MAGI2: variants seen among roughly 807,000 people sequenced by gnomAD.
MAGI2 encodes membrane-associated guanylate kinase, WW and PDZ domain-containing protein 2.
MAGI2 carries 35 observed loss-of-function variants against 133.3 expected under a neutral mutation model. The ratio of observed to expected loss-of-function variants is 0.26; its 90% confidence interval spans 0.20 to 0.35. The LOEUF (loss-of-function observed/expected upper bound fraction) is 0.35, where lower values mean the gene tolerates loss of function less well. Among genes scored for constraint, MAGI2 ranks in the 10% least tolerant of loss-of-function variants. The probability of loss-of-function intolerance (pLI) is 1.00; values close to 1 mark genes in which losing one functional copy is unlikely to be tolerated. For missense variants in MAGI2, 1,636 were observed against 1,863.4 expected (o/e 0.88, Z 2.25); for synonymous variants, 729 against 710.6 (o/e 1.03, Z -0.41).
chr7:79,344,399 T>C (rs1163426377), intron 1 of MAGI2, among the ~76,000 whole-genome samples: 1 of 152,060 alleles, frequency 6.6e-6, no homozygotes, highest in Non-Finnish European at 1.5e-5. Context: ...AAATAACTCA[T>C]AAGATTGCTA....
At chr7:79,213,216 A>ATTTTTCTG (rs769622484) in intron 1 of MAGI2, among the ~76,000 whole-genome samples, 1 of 34,298 alleles carries the variant, frequency 2.9e-5, no homozygotes, top group African/African-American at 3.7e-5. Context: ...ATTTTTCTGT[A>ATTTTTCTG]TATATATATG....
In MAGI2 at chr7:79,136,104, AGAAAGAAAG is replaced by A. The variant is rs577094872; in HGVS notation, c.302-128907_302-128899del. Among the ~76,000 whole-genome samples, 57 of 148,762 alleles carry A rather than the reference AGAAAGAAAG, an allele frequency of 3.8e-4. No homozygotes were observed. In the South Asian group the frequency reaches 0.011, roughly 29 times the overall value. On this transcript the variant is annotated intron_variant, in intron 1 of 21. Coordinates refer to ENST00000354212, the MANE Select transcript of MAGI2 (RefSeq NM_012301.4). ...AAGAAAGAAAGAAAGAAAGAAAGAA[AGAAAGAAAG>A]AAAGAAAGAAAGAAAGACACAAAAG...
Position 78,125,053 on chromosome 7 carries a change from A to C in MAGI2, c.3567+641T>G, listed in dbSNP as rs1011315210. 4.6e-5 allele frequency among the ~76,000 whole-genome samples: 7 copies of C among 151,912 alleles called. No individual in the cohort carries two copies. In the South Asian group the frequency reaches 1.5e-3, roughly 32 times the overall value. ...TAATTTTTTTGTATTTTTAGTAGAG[A>C]TGGGGTTTCACAGTGTTAGCCAGGT... On this transcript the variant is annotated intron_variant, in intron 20 of 21. Coordinates refer to ENST00000354212, the MANE Select transcript of MAGI2 (RefSeq NM_012301.4).
chr7:78,669,177 G>A (rs1035428095), intron 2 of MAGI2, among the ~76,000 whole-genome samples: 4 of 151,952 alleles, frequency 2.6e-5, no homozygotes, highest in African/African-American at 9.7e-5. Flanking sequence ...CCGATAGCAA[G>A]ACTAATAAAG....
chr7:78,137,146 A>G (rs1490676158), intron 16 of MAGI2, among the ~76,000 whole-genome samples: 2 of 151,868 alleles, frequency 1.3e-5, no homozygotes, highest in African/African-American at 4.8e-5. Flanking sequence ...GGTTGCAATT[A>G]TAATTAGGGT....
In MAGI2 at chr7:78,529,668, G is replaced by GTTTTTTTTTTTTTTTTTTTTTTTTTT. The variant is rs554010061; in HGVS notation, c.539-8049_539-8024dup. Among the ~76,000 whole-genome samples, 43 of 57,424 alleles carry GTTTTTTTTTTTTTTTTTTTTTTTTTT rather than the reference G, an allele frequency of 7.5e-4. 8 individuals carry two copies. Among genetic ancestry groups the GTTTTTTTTTTTTTTTTTTTTTTTTTT allele is most frequent in the Non-Finnish European group, 7.7e-4 (22 of 28,728 alleles). The allele number at this position is 57,424 out of a possible 152,430, so 37.7% of individuals were successfully genotyped here. ...TTTCTTTTCCTTGCTAAAGGAGATGGTTTTTTTTTTTTTTTTTTTTTTTTT... is the reference window on the plus strand; with the variant it reads ...TTTCTTTTCCTTGCTAAAGGAGATGGTTTTTTTTTTTTTTTTTTTTTTTTTTTTTTTTTTTTTTTTTTTTTTTTTTT... On this transcript the variant is annotated intron_variant, in intron 3 of 21. Coordinates refer to ENST00000354212, the MANE Select transcript of MAGI2 (RefSeq NM_012301.4).
At chr7:78,392,354 T>G (rs1795971916) in intron 6 of MAGI2, among the ~76,000 whole-genome samples, 1 of 152,058 alleles carries the variant, frequency 6.6e-6, no homozygotes, top group Non-Finnish European at 1.5e-5. Flanking sequence ...TGAGTTCAGG[T>G]AAAAGATGGG....
intron 5 of MAGI2, among the ~76,000 whole-genome samples, chr7:78,499,209 A>T (rs1584406861): frequency 6.6e-6 from 1 of 152,082 alleles, no homozygotes; most frequent in Non-Finnish European, 1.5e-5. Flanking sequence ...TTCCTAATAC[A>T]CCTAAGGACT....
chr7:79,305,891 G>A (rs918371178), intron 1 of MAGI2, among the ~76,000 whole-genome samples: 1 of 152,044 alleles, frequency 6.6e-6, no homozygotes, highest in African/African-American at 2.4e-5. Flanking sequence ...ACTCCAACCC[G>A]GGTGTAAGTA....
intron 13 of MAGI2, among the ~76,000 whole-genome samples, chr7:78,179,380 T>C (rs1277892463): frequency 2.0e-5 from 3 of 152,178 alleles, no homozygotes; most frequent in African/African-American, 7.2e-5. Flanking sequence ...AGGCAAATAT[T>C]TTCCAGGCTC....
At chr7:78,206,878 T>G (rs1197882440) in intron 10 of MAGI2, among the ~76,000 whole-genome samples, 1 of 152,208 alleles carries the variant, frequency 6.6e-6, no homozygotes, top group Non-Finnish European at 1.5e-5. Flanking sequence ...AGGAACGACT[T>G]TTAAACAAAG....
intron 7 of MAGI2, among the ~76,000 whole-genome samples, chr7:78,356,363 A>T (rs571186341): frequency 1.3e-4 from 20 of 152,188 alleles, no homozygotes; most frequent in Non-Finnish European, 2.6e-4. Context: ...TTGTTAAAGG[A>T]TATAGACTTA....
chr7:78,971,145 C>T (rs1346781400), intron 2 of MAGI2, among the ~76,000 whole-genome samples: 1 of 151,992 alleles, frequency 6.6e-6, no homozygotes, highest in Non-Finnish European at 1.5e-5. Context: ...CCCCAGAAGA[C>T]CCTCTTTTAT....
At chr7:78,260,389 C>A (rs369620794) in intron 9 of MAGI2, among the ~76,000 whole-genome samples, 9 of 152,118 alleles carry the variant, frequency 5.9e-5, no homozygotes, top group Non-Finnish European at 1.2e-4. Flanking sequence ...CTGGCTCTAA[C>A]CTGTTGGCCT....
chr7:79,212,981 T>G (rs1479922337), intron 1 of MAGI2, among the ~76,000 whole-genome samples: 2 of 151,938 alleles, frequency 1.3e-5, no homozygotes, highest in Non-Finnish European at 2.9e-5. Context: ...AAATCACTAA[T>G]GGGAAGTGGT....
chr7:79,131,789 AAC>A (rs1820960392), intron 1 of MAGI2, among the ~76,000 whole-genome samples: 1 of 152,154 alleles, frequency 6.6e-6, no homozygotes, highest in Non-Finnish European at 1.5e-5. Context: ...TTGGATATGT[AAC>A]TGATGAAAAT....
At chr7:78,170,390 C>G (rs184251635) in intron 14 of MAGI2, 2 of 152,280 alleles carry the variant, frequency 1.3e-5, no homozygotes, top group East Asian at 3.9e-4. Context: ...TATTGAAAAA[C>G]AGAGCCCAGT....
intron 1 of MAGI2, among the ~76,000 whole-genome samples, chr7:79,100,800 C>A (rs1428908170): frequency 6.6e-6 from 1 of 151,394 alleles, no homozygotes; most frequent in East Asian, 1.9e-4. Context: ...CTTTTAGTGT[C>A]TTAGTTATTT....
At position 78,900,721 on chromosome 7, in the gene MAGI2, A is replaced by T. The variant is rs75803500; in HGVS notation, c.418+106369T>A. 1.3e-3 allele frequency among the ~76,000 whole-genome samples: 201 copies of T among 152,268 alleles called. 4 individuals carry two copies. The East Asian group carries it at 0.035, about 27-fold the overall frequency. ...TGCACTGATTAATCCTATTAATTATACCATATATTTATTTTTTAATGTATC... is the reference window on the plus strand; with the variant it reads ...TGCACTGATTAATCCTATTAATTATTCCATATATTTATTTTTTAATGTATC... On this transcript the variant is annotated intron_variant, in intron 2 of 21. Coordinates refer to ENST00000354212, the MANE Select transcript of MAGI2 (RefSeq NM_012301.4).
Sources: allele counts gnomAD v4.1 joint callset (sites outside exome capture counted in the v4.1 genomes callset), GRCh38; gene constraint gnomAD v4.1.1; transcripts MANE v1.5; gene names NCBI Gene and HGNC (gene_info 2026-07-23, HGNC 2026-07-21).